CDH13: variants seen among roughly 807,000 people sequenced by gnomAD.
CDH13 encodes cadherin-13.
In CDH13, 24 loss-of-function variants were observed where a neutral mutation model predicts 63.8. The observed-to-expected ratio is 0.38, with a 90% CI of 0.27 to 0.53. The LOEUF is 0.53. Ranked by LOEUF, CDH13 falls within the 20% of genes least tolerant of loss-of-function variation. CDH13 has a pLI of 0.85. For missense variants in CDH13, 1,049 were observed against 903.1 expected (o/e 1.16, Z -2.07); for synonymous variants, 503 against 355.3 (o/e 1.42, Z -4.67).
intron 5 of CDH13, among the ~76,000 whole-genome samples, chr16:83,269,247 C>G (rs1317610709): frequency 6.6e-6 from 1 of 152,180 alleles, no homozygotes; most frequent in African/African-American, 2.4e-5. Flanking sequence ...ACTGTTGTAT[C>G]TTATGAGGCC....
At chr16:82,908,539 C>T (rs938005409) in intron 2 of CDH13, among the ~76,000 whole-genome samples, 1 of 152,198 alleles carries the variant, frequency 6.6e-6, no homozygotes, top group South Asian at 2.1e-4. Context: ...AATTCAGAGT[C>T]TAGATACGAG....
chr16:83,098,975 C>A (rs908186552), intron 3 of CDH13, among the ~76,000 whole-genome samples: 2 of 152,032 alleles, frequency 1.3e-5, no homozygotes, highest in African/African-American at 4.8e-5. Context: ...TGACAGAATG[C>A]ACTTTAAAAG....
At chr16:83,234,454 G>C (rs769089809) in intron 5 of CDH13, among the ~76,000 whole-genome samples, 1 of 152,148 alleles carries the variant, frequency 6.6e-6, no homozygotes, top group Non-Finnish European at 1.5e-5. Context: ...GAGGGTAATT[G>C]ATAACGCAGG....
intron 4 of CDH13, among the ~76,000 whole-genome samples, chr16:83,216,420 A>T (rs867416696): frequency 1.0e-5 from 1 of 96,774 alleles, no homozygotes; most frequent in Non-Finnish European, 2.1e-5. Flanking sequence ...ATATATATAT[A>T]TATATATATA....
chr16:82,680,887 G>C (rs1418017155), intron 1 of CDH13, among the ~76,000 whole-genome samples: 1 of 152,176 alleles, frequency 6.6e-6, no homozygotes, highest in East Asian at 1.9e-4. Context: ...GGGAGCTGGA[G>C]AGAAAAAGAC....
At chr16:83,228,556 G>C (rs1455991438) in intron 5 of CDH13, among the ~76,000 whole-genome samples, 1 of 152,180 alleles carries the variant, frequency 6.6e-6, no homozygotes, top group African/African-American at 2.4e-5. Flanking sequence ...TTCAGCCTTC[G>C]GAAGGACATG....
intron 6 of CDH13, among the ~76,000 whole-genome samples, chr16:83,446,614 C>T (rs532442926): frequency 1.3e-5 from 2 of 152,312 alleles, no homozygotes; most frequent in South Asian, 4.1e-4. Flanking sequence ...GGGCAATTTT[C>T]TGCTCATTTC....
intron 7 of CDH13, among the ~76,000 whole-genome samples, chr16:83,555,112 G>C (rs2075577629): frequency 6.6e-6 from 1 of 152,180 alleles, no homozygotes. Context: ...TACAGAGAGA[G>C]CGAGCTACTT....
chr16:83,709,061 A>G (rs1220933423), intron 10 of CDH13, among the ~76,000 whole-genome samples: 1 of 152,158 alleles, frequency 6.6e-6, no homozygotes, highest in East Asian at 1.9e-4. Context: ...AAATTAAAAA[A>G]TTAAAATGGA....
At chr16:83,097,785 A>G (rs2034280970) in intron 3 of CDH13, among the ~76,000 whole-genome samples, 3 of 152,206 alleles carry the variant, frequency 2.0e-5, no homozygotes, top group Admixed American at 2.0e-4. Context: ...TACAAAAAGG[A>G]AATTACAGAA....
chr16:83,704,372 G>T (rs1906697215), intron 10 of CDH13, among the ~76,000 whole-genome samples: 1 of 152,130 alleles, frequency 6.6e-6, no homozygotes, highest in Non-Finnish European at 1.5e-5. Flanking sequence ...ACACCGAGAT[G>T]GTTCTCCAAC....
intron 3 of CDH13, among the ~76,000 whole-genome samples, chr16:83,055,688 A>G (rs2030854479): frequency 6.6e-6 from 1 of 152,064 alleles, no homozygotes; most frequent in Admixed American, 6.6e-5. Context: ...AAAATACACT[A>G]ATCTTATGCA....
chr16:83,080,474 G>A (rs1016094462), intron 3 of CDH13, among the ~76,000 whole-genome samples: 2 of 152,158 alleles, frequency 1.3e-5, no homozygotes, highest in African/African-American at 4.8e-5. Context: ...CTTCTTGGGA[G>A]CCAGATGTTC....
At chr16:83,789,794 T>C (rs554540) in intron 13 of CDH13, among the ~76,000 whole-genome samples, 130,396 of 152,112 alleles carry the variant, frequency 0.86, 55,893 homozygotes, top group Admixed American at 0.88. Flanking sequence ...CCAAATCTGG[T>C]CTACTGCCCA....
chr16:83,777,983 T>C (rs1194616477), intron 11 of CDH13, among the ~76,000 whole-genome samples: 3 of 152,180 alleles, frequency 2.0e-5, no homozygotes, highest in Middle Eastern at 3.2e-3. Flanking sequence ...CAAGAAACGA[T>C]TGTACTACTG....
chr16:83,281,422 C>G (rs2089170943), intron 5 of CDH13, among the ~76,000 whole-genome samples: 1 of 152,206 alleles, frequency 6.6e-6, no homozygotes, highest in African/African-American at 2.4e-5. Flanking sequence ...GTAGTTTGAT[C>G]TTTTATCCAG....
chr16:83,665,600 G>T (rs539205099), intron 8 of CDH13, among the ~76,000 whole-genome samples: 5 of 152,286 alleles, frequency 3.3e-5, no homozygotes, highest in African/African-American at 1.2e-4. Context: ...CTAAGGGCCA[G>T]ATGACTACAT....
chr16:83,411,090 C>A (rs1027206293), intron 6 of CDH13, among the ~76,000 whole-genome samples: 1 of 152,224 alleles, frequency 6.6e-6, no homozygotes, highest in Non-Finnish European at 1.5e-5. Flanking sequence ...CTCCAGCCCT[C>A]CTTTACATCC....
intron 2 of CDH13, among the ~76,000 whole-genome samples, chr16:82,980,635 C>G (rs1910139313): frequency 6.6e-6 from 1 of 152,138 alleles, no homozygotes; most frequent in Non-Finnish European, 1.5e-5. Flanking sequence ...GTTATGGTCT[C>G]CGTGTTCTCT....
Sources: gnomAD v4.1 joint callset for allele counts (sites outside exome capture counted in the v4.1 genomes callset) on GRCh38, gnomAD v4.1.1 for gene constraint, MANE v1.5 for transcripts, NCBI Gene and HGNC (gene_info 2026-07-23, HGNC 2026-07-21) for gene names.